The following ARHGAP32 variants were observed in gnomAD, a reference collection of about 807,000 sequenced individuals.
The protein encoded by ARHGAP32 is Rho GTPase activating protein 32, also known as rho GTPase-activating protein 32.
ARHGAP32 carries 51 observed loss-of-function variants against 186.5 expected under a neutral mutation model. The ratio of observed to expected loss-of-function variants is 0.27; its 90% confidence interval spans 0.22 to 0.35. The LOEUF (loss-of-function observed/expected upper bound fraction) is 0.35, where lower values mean the gene tolerates loss of function less well. Among genes scored for constraint, ARHGAP32 ranks in the 10% least tolerant of loss-of-function variants. The pLI, the probability that ARHGAP32 is intolerant of heterozygous loss-of-function variation, is 1.00. For synonymous variants in ARHGAP32, 950 were observed against 964.3 expected, an observed-to-expected ratio of 0.99 and a Z score of 0.27; for missense variants, 2,186 against 2,623.5, an observed-to-expected ratio of 0.83 and a Z score of 3.64.
chr11:129,234,649 A>G (rs1944904016), intron 1 of ARHGAP32, among the ~76,000 whole-genome samples: 1 of 152,174 alleles, frequency 6.6e-6, no homozygotes, highest in South Asian at 2.1e-4. Flanking sequence ...TTACTCAAAA[A>G]GAAAATCATT....
chr11:129,140,600 C>A (rs1343488548), intron 2 of ARHGAP32, among the ~76,000 whole-genome samples: 1 of 152,172 alleles, frequency 6.6e-6, no homozygotes, highest in Non-Finnish European at 1.5e-5. Context: ...TCCCAGCACT[C>A]CCAGGACCCC....
At chr11:129,209,083 C>T (rs1312139654) in intron 1 of ARHGAP32, among the ~76,000 whole-genome samples, 2 of 152,110 alleles carry the variant, frequency 1.3e-5, no homozygotes, top group Admixed American at 1.3e-4. Context: ...AAAAGCATGG[C>T]TTTAGAAGAG....
chr11:129,162,530 C>A (rs183207216), intron 2 of ARHGAP32, among the ~76,000 whole-genome samples: 104 of 152,102 alleles, frequency 6.8e-4, no homozygotes, highest in African/African-American at 2.3e-3. Context: ...CAACTACAGG[C>A]AAGAATATTC....
At chr11:129,233,843 C>G (rs1421287462) in intron 1 of ARHGAP32, among the ~76,000 whole-genome samples, 1 of 151,804 alleles carries the variant, frequency 6.6e-6, no homozygotes. Context: ...AATATACAGT[C>G]TAATACTATG....
intron 1 of ARHGAP32, among the ~76,000 whole-genome samples, chr11:129,249,417 G>A (rs1945149404): frequency 6.6e-6 from 1 of 152,002 alleles, no homozygotes; most frequent in African/African-American, 2.4e-5. Flanking sequence ...TCTATAAAAA[G>A]TACTCTGCAC....
At chr11:129,153,684 T>C (rs1943340243) in intron 2 of ARHGAP32, among the ~76,000 whole-genome samples, 1 of 152,142 alleles carries the variant, frequency 6.6e-6, no homozygotes, top group South Asian at 2.1e-4. Context: ...GCAAGCCAAA[T>C]GTAGAAGAAT....
upstream of ARHGAP32, among the ~76,000 whole-genome samples, chr11:129,195,287 G>A (rs1030897694): frequency 2.0e-5 from 3 of 151,834 alleles, no homozygotes; most frequent in Non-Finnish European, 4.4e-5. Context: ...GCCTCAAAGC[G>A]TTTTCATGAA....
At chr11:128,991,784 C>T (rs1946061482) in intron 12 of ARHGAP32, among the ~76,000 whole-genome samples, 1 of 152,096 alleles carries the variant, frequency 6.6e-6, no homozygotes, top group South Asian at 2.1e-4. Flanking sequence ...ATAAGAAGTA[C>T]ATATTTAAAT....
At chr11:129,244,474 G>A (rs900990527) in intron 1 of ARHGAP32, among the ~76,000 whole-genome samples, 3 of 152,208 alleles carry the variant, frequency 2.0e-5, no homozygotes, top group Non-Finnish European at 2.9e-5. Context: ...ATTTTATAAA[G>A]CTATCAATAA....
chr11:129,205,089 TA>T (rs1944500043), intron 1 of ARHGAP32, among the ~76,000 whole-genome samples: 1 of 152,168 alleles, frequency 6.6e-6, no homozygotes, highest in African/African-American at 2.4e-5. Flanking sequence ...TGCAGCTCTT[TA>T]AAAGATACAC....
chr11:129,193,575 T>TATATTATATATAATATATA (rs1944321591), upstream of ARHGAP32, among the ~76,000 whole-genome samples: 25 of 54,028 alleles, frequency 4.6e-4, no homozygotes, highest in Non-Finnish European at 6.7e-4. Flanking sequence ...ATATAATATA[T>TATATTATATATAATATATA]ATATATTATA....
At chr11:129,180,243 G>A (rs1036252119) in intron 1 of ARHGAP32, among the ~76,000 whole-genome samples, 30 of 152,228 alleles carry the variant, frequency 2.0e-4, no homozygotes, top group African/African-American at 7.2e-4. Context: ...TTGTGCAACA[G>A]AAGTCAGACA....
chr11:129,226,576 A>T (rs1944785487), intron 1 of ARHGAP32, among the ~76,000 whole-genome samples: 1 of 152,172 alleles, frequency 6.6e-6, no homozygotes, highest in Non-Finnish European at 1.5e-5. Context: ...TTCCAGTACA[A>T]AAAAGGGAAA....
At chr11:129,249,129 C>A (rs1374275494) in intron 1 of ARHGAP32, among the ~76,000 whole-genome samples, 2 of 151,796 alleles carry the variant, frequency 1.3e-5, no homozygotes, top group Non-Finnish European at 2.9e-5. Flanking sequence ...TCATTAAGAA[C>A]AGCACAAAAT....
chr11:129,052,917 A>G (rs1940111486), intron 10 of ARHGAP32, among the ~76,000 whole-genome samples: 1 of 152,130 alleles, frequency 6.6e-6, no homozygotes, highest in African/African-American at 2.4e-5. Flanking sequence ...AGGATTTTAG[A>G]AAATACTTGT....
intron 5 of ARHGAP32, among the ~76,000 whole-genome samples, chr11:129,097,052 G>A (rs1454461374): frequency 6.6e-6 from 1 of 151,590 alleles, no homozygotes; most frequent in East Asian, 1.9e-4. Context: ...AGTCCCTGGG[G>A]AAGAAGGAGA....
intron 6 of ARHGAP32, among the ~76,000 whole-genome samples, chr11:129,093,235 C>T (rs1429154005): frequency 6.6e-6 from 1 of 151,932 alleles, no homozygotes; most frequent in African/African-American, 2.4e-5. Flanking sequence ...AAATATCTTT[C>T]CTTTAGTCTT....
intron 5 of ARHGAP32, among the ~76,000 whole-genome samples, chr11:129,108,836 T>C (rs1772946876): frequency 1.3e-5 from 2 of 152,172 alleles, no homozygotes; most frequent in African/African-American, 4.8e-5. Context: ...TGATATTTTG[T>C]TACAAGCACA....
rs1204381362 is a variant in ARHGAP32 at position 128,970,811 on chromosome 11, C to T, written c.4402G>A (p.Ala1468Thr). Residue 1468 changes from alanine (A) to threonine (T), a missense_variant, in exon 23 of 23, where the codon GCA becomes ACA. By Grantham distance (58) the Ala-to-Thr change is moderately conservative (BLOSUM62 0). Coordinates refer to ENST00000682385, the MANE Select transcript of ARHGAP32 (RefSeq NM_001378024.1). This position sits in a 1 kb window ranked among gnomAD's most constrained non-coding sequence, Gnocchi z 5.8. Reference sequence around the variant, plus strand: ...GGGACAGGAAGTGGTAAAGGCAATGCATCGTCCACAGAGGTGGATGAAGCA... The same window carrying T: ...GGGACAGGAAGTGGTAAAGGCAATGTATCGTCCACAGAGGTGGATGAAGCA... The part of the protein sequence containing the change: ...VTASSTSVDD[A>T]LPLPLPVPQP... 1 of 1,614,160 alleles carries T rather than the reference C, an allele frequency of 6.2e-7. No individual in the cohort carries two copies.
Sources: allele counts gnomAD v4.1 joint callset (sites outside exome capture counted in the v4.1 genomes callset), GRCh38; gene constraint gnomAD v4.1.1; non-coding constraint Gnocchi (gnomAD v3.1); transcripts MANE v1.5; gene names NCBI Gene and HGNC (gene_info 2026-07-23, HGNC 2026-07-21).